The following PPP1R14C variants were observed in gnomAD, a reference collection of about 807,000 sequenced individuals.
PPP1R14C encodes the protein protein phosphatase 1 regulatory subunit 14C.
Under a neutral mutation model 20.4 loss-of-function variants are expected in PPP1R14C, and 16 were observed. The observed-to-expected ratio is 0.78, with a 90% CI of 0.53 to 1.19. The LOEUF is 1.19. Among genes scored for constraint, PPP1R14C ranks in the 50% most tolerant of loss-of-function variants. The probability of loss-of-function intolerance (pLI) is 0.00; values close to 1 mark genes in which losing one functional copy is unlikely to be tolerated. For missense variants in PPP1R14C, 211 were observed against 220.1 expected, an observed-to-expected ratio of 0.96 and a Z score of 0.26; for synonymous variants, 91 against 91.0, an observed-to-expected ratio of 1.00 and a Z score of 0.00.
In PPP1R14C at chr6:150,248,934, T is replaced by G. The variant is rs898278566; in HGVS notation, c.*114T>G. 48 of 577,582 alleles carry G rather than the reference T, an allele frequency of 8.3e-5. No homozygotes were observed. Among genetic ancestry groups the G allele is most frequent in the Middle Eastern group, 5.8e-4 (2 of 3,432 alleles). 35.8% of individuals were successfully genotyped at this position (577,582 alleles called of 1,614,324 possible). A position where few individuals can be genotyped will look rare whatever the true frequency, so the allele number is the denominator to read the frequency against. ...CTTATGAACAACGTTTTTGTTTTTT[T>G]TTTTTTCTTTTTTGGTGTGAAGGTG... On this transcript the variant is annotated 3_prime_UTR_variant, in exon 4 of 4. Coordinates refer to ENST00000361131, the MANE Select transcript of PPP1R14C (RefSeq NM_030949.3).
At chr6:150,230,733 C>A (rs977593593) in intron 3 of PPP1R14C, among the ~76,000 whole-genome samples, 1 of 152,148 alleles carries the variant, frequency 6.6e-6, no homozygotes, top group African/African-American at 2.4e-5. Context: ...AATCCAAGGG[C>A]CACTGCATAA....
chr6:150,213,851 T>C (rs35374072), intron 1 of PPP1R14C, among the ~76,000 whole-genome samples: 5,126 of 152,286 alleles, frequency 0.034, 154 homozygotes, highest in Admixed American at 0.085. Context: ...TAGACCCACA[T>C]TGGCTGCAAC....
chr6:150,204,173 A>G (rs1243997773), intron 1 of PPP1R14C, among the ~76,000 whole-genome samples: 1 of 152,180 alleles, frequency 6.6e-6, no homozygotes, highest in Non-Finnish European at 1.5e-5. Flanking sequence ...GTCCTCGTTT[A>G]TGCCACGGCT....
intron 1 of PPP1R14C, among the ~76,000 whole-genome samples, chr6:150,197,955 C>A (rs1184312139): frequency 5.1e-5 from 5 of 98,290 alleles, no homozygotes; most frequent in African/African-American, 2.3e-4. Context: ...CTTTGTGTGC[C>A]CCTGCCCGTC....
intron 1 of PPP1R14C, among the ~76,000 whole-genome samples, chr6:150,204,523 G>C (rs1391424864): frequency 6.6e-6 from 1 of 152,208 alleles, no homozygotes; most frequent in Non-Finnish European, 1.5e-5. Flanking sequence ...ATTTGAAGAG[G>C]AATCGGATGT....
At chr6:150,192,617 C>A (rs184365173) in intron 1 of PPP1R14C, among the ~76,000 whole-genome samples, 1 of 152,298 alleles carries the variant, frequency 6.6e-6, no homozygotes, top group East Asian at 1.9e-4. Context: ...CTCCAGGTAT[C>A]TGTTGTTGCA....
intron 1 of PPP1R14C, among the ~76,000 whole-genome samples, chr6:150,200,270 C>A (rs960854251): frequency 6.6e-6 from 1 of 151,886 alleles, no homozygotes; most frequent in Admixed American, 6.6e-5. Flanking sequence ...CAATGAAAAA[C>A]CAGTTAACTT....
intron 1 of PPP1R14C, among the ~76,000 whole-genome samples, chr6:150,144,134 G>T (rs1482849781): frequency 1.3e-5 from 2 of 152,220 alleles, no homozygotes; most frequent in Admixed American, 1.3e-4. Context: ...TGAAGCCGTA[G>T]TTTTTCCTCT....
At chr6:150,195,019 C>T (rs1231689300) in intron 1 of PPP1R14C, 2 of 984,834 alleles carry the variant, frequency 2.0e-6, no homozygotes, top group African/African-American at 3.5e-5. Context: ...ACTTACATAC[C>T]TAGAGCAGTT....
At chr6:150,152,119 C>CAAAAAAAAAAA (rs577869928) in intron 1 of PPP1R14C, among the ~76,000 whole-genome samples, 3 of 85,002 alleles carry the variant, frequency 3.5e-5, no homozygotes, top group African/African-American at 1.1e-4. Flanking sequence ...GACTCCGTCT[C>CAAAAAAAAAAA]AAAAAAAAAA....
At chr6:150,203,433 T>A (rs1315329711) in intron 1 of PPP1R14C, among the ~76,000 whole-genome samples, 2 of 152,232 alleles carry the variant, frequency 1.3e-5, no homozygotes, top group African/African-American at 4.8e-5. Context: ...GCAGTGTGTC[T>A]GCTCACCGGC....
intron 3 of PPP1R14C, among the ~76,000 whole-genome samples, chr6:150,218,689 C>T (rs919331818): frequency 3.4e-4 from 52 of 152,036 alleles, no homozygotes; most frequent in Non-Finnish European, 7.2e-4. Flanking sequence ...CATTCTGTCA[C>T]CCAGGCTGGA....
intron 1 of PPP1R14C, among the ~76,000 whole-genome samples, chr6:150,161,078 G>A (rs1177378822): frequency 7.2e-5 from 11 of 152,038 alleles, no homozygotes; most frequent in African/African-American, 2.2e-4. Flanking sequence ...TCAGGAGTTC[G>A]AGATCAGCCT....
chr6:150,168,538 A>AAACAAAAC (rs1425332828), intron 1 of PPP1R14C, among the ~76,000 whole-genome samples: 2 of 148,996 alleles, frequency 1.3e-5, no homozygotes. Context: ...CGTCTCAACA[A>AAACAAAAC]AACAAAACAA....
chr6:150,215,540 G>A (rs1778080620), intron 2 of PPP1R14C, among the ~76,000 whole-genome samples: 4 of 152,226 alleles, frequency 2.6e-5, no homozygotes, highest in East Asian at 1.9e-4. Flanking sequence ...TGGCCACTAC[G>A]GCAATCAAAG....
In PPP1R14C at chr6:150,234,789, C is replaced by T. The variant is rs1414723477; in HGVS notation, c.424-13957C>T. Among the ~76,000 whole-genome samples the T allele has an allele frequency of 3.8e-5, 5 of 130,176 alleles. No homozygotes were observed. The East Asian group carries it at 1.2e-3, about 31-fold the overall frequency. 85.4% of individuals were successfully genotyped at this position (130,176 alleles called of 152,430 possible). ...GCTTGAACCTGGGAGGCAGAGGTTG[C>T]AGTGAGCTGAAATTGCGCCACTGAA... On this transcript the variant is annotated intron_variant, in intron 3 of 3. Coordinates refer to ENST00000361131, the MANE Select transcript of PPP1R14C (RefSeq NM_030949.3).
At chr6:150,181,333 C>A (rs1777619680) in intron 1 of PPP1R14C, among the ~76,000 whole-genome samples, 1 of 152,150 alleles carries the variant, frequency 6.6e-6, no homozygotes, top group Admixed American at 6.5e-5. Flanking sequence ...CACCACCACA[C>A]CCAGCTAATC....
At chr6:150,152,750 A>G (rs1248379801) in intron 1 of PPP1R14C, among the ~76,000 whole-genome samples, 1 of 152,136 alleles carries the variant, frequency 6.6e-6, no homozygotes, top group Non-Finnish European at 1.5e-5. Context: ...CCCTCACTGC[A>G]GCCTCCTGAA....
At chr6:150,231,457 C>T (rs959370740) in intron 3 of PPP1R14C, among the ~76,000 whole-genome samples, 6 of 152,158 alleles carry the variant, frequency 3.9e-5, no homozygotes, top group African/African-American at 1.4e-4. Context: ...AGTTCCTGGG[C>T]CGGTTGACAC....
Sources: allele counts gnomAD v4.1 joint callset (sites outside exome capture counted in the v4.1 genomes callset), GRCh38; gene constraint gnomAD v4.1.1; transcripts MANE v1.5; gene names NCBI Gene and HGNC (gene_info 2026-07-23, HGNC 2026-07-21).